WDR41: variants seen among roughly 807,000 people sequenced by gnomAD.
The protein encoded by WDR41 is WD repeat-containing protein 41.
In WDR41, 63 loss-of-function variants were observed where a neutral mutation model predicts 69.3. The observed-to-expected ratio is 0.91, with a 90% CI of 0.74 to 1.12. The LOEUF is 1.12. Among genes scored for constraint, WDR41 ranks in the 50% most tolerant of loss-of-function variants. The pLI is 0.00. For synonymous variants in WDR41, 185 were observed against 192.1 expected (o/e 0.96, Z 0.31); for missense variants, 543 against 534.5 (o/e 1.02, Z -0.16).
chr5:77,461,137 A>T (rs1369436741), intron 4 of WDR41, among the ~76,000 whole-genome samples: 1 of 152,144 alleles, frequency 6.6e-6, no homozygotes, highest in African/African-American at 2.4e-5. Context: ...GAGTATTTTA[A>T]ATTCTATTTT....
intron 1 of WDR41, chr5:77,545,730 G>T (rs1006129061): frequency 1.8e-6 from 1 of 560,788 alleles, no homozygotes; most frequent in Non-Finnish European, 3.1e-6. Flanking sequence ...ACGCTGGCCA[G>T]TGCACCAGGT....
At chr5:77,443,357 C>T (rs975253080) in intron 8 of WDR41, among the ~76,000 whole-genome samples, 6 of 152,096 alleles carry the variant, frequency 3.9e-5, no homozygotes, top group African/African-American at 1.4e-4. Flanking sequence ...TCAAATAAAC[C>T]AGCACGACAG....
At chr5:77,492,144 G>A in intron 1 of WDR41, 26 bp downstream of exon 1, 1 of 1,606,750 alleles carries the variant, frequency 6.2e-7, no homozygotes, top group Middle Eastern at 1.7e-4. Context: ...CTCGACGGAC[G>A]CAGAGCAGAC....
At chr5:77,553,108 C>T (rs193065797) in intron 1 of WDR41, among the ~76,000 whole-genome samples, 6 of 152,324 alleles carry the variant, frequency 3.9e-5, no homozygotes, top group Non-Finnish European at 8.8e-5. Context: ...AGGAAAACTA[C>T]ACACTCAGGA....
chr5:77,597,724 T>C (rs971158043), intron 1 of WDR41, among the ~76,000 whole-genome samples: 2 of 152,210 alleles, frequency 1.3e-5, no homozygotes, highest in Admixed American at 6.5e-5. Flanking sequence ...TAAACAAATA[T>C]CTATTGAATG....
intron 2 of WDR41, among the ~76,000 whole-genome samples, chr5:77,470,916 C>A (rs1193984346): frequency 6.6e-6 from 1 of 152,094 alleles, no homozygotes; most frequent in Non-Finnish European, 1.5e-5. Flanking sequence ...TAGCTCTGCA[C>A]CAAGCAGACC....
chr5:77,495,350 C>G (rs1327993603), upstream of WDR41, among the ~76,000 whole-genome samples: 2 of 150,898 alleles, frequency 1.3e-5, no homozygotes, highest in African/African-American at 4.9e-5. Context: ...TGGTCTTTTG[C>G]AAAGATGAAA....
chr5:77,566,349 C>T (rs1007111965), intron 1 of WDR41, among the ~76,000 whole-genome samples: 9 of 152,060 alleles, frequency 5.9e-5, no homozygotes, highest in Non-Finnish European at 1.2e-4. Context: ...TCCTGTATGT[C>T]GTTTAGGTCT....
intron 1 of WDR41, among the ~76,000 whole-genome samples, chr5:77,594,503 T>C (rs1199783402): frequency 1.3e-5 from 2 of 152,172 alleles, no homozygotes; most frequent in Non-Finnish European, 2.9e-5. Context: ...AAAATGTCTG[T>C]GATCCATGAT....
Position 77,440,954 on chromosome 5 carries a change from G to A in WDR41, c.741C>T (p.Ile247=). 6.2e-7 allele frequency: 1 copy of A among 1,614,100 alleles called. No individual in the cohort carries two copies. The highest frequency in any genetic ancestry group is 1.1e-5 in the South Asian group (1 of 91,060). Residue 247 remains isoleucine, a synonymous_variant, in exon 9 of 13, where the codon ATC becomes ATT. Transcript: ENST00000296679. ...VTGSHVGELI[I]WDALDWTMQA... is the part of the protein sequence containing the mutation. ...GCATGGTCCAGTCCAGGGCATCCCA[G>A]ATGATCAGCTCTCCGACGTGGGAGC... is the stretch of plus-strand genomic sequence containing the variant.
intron 1 of WDR41, among the ~76,000 whole-genome samples, chr5:77,502,851 G>C (rs374866333): frequency 6.6e-6 from 1 of 152,230 alleles, no homozygotes; most frequent in African/African-American, 2.4e-5. Flanking sequence ...TGCCTTACAA[G>C]AGCTCCTGAA....
intron 1 of WDR41, 87 bp downstream of exon 1, chr5:77,492,083 C>A (rs577118984): frequency 7.3e-6 from 11 of 1,514,324 alleles, no homozygotes; most frequent in Non-Finnish European, 9.9e-6. Flanking sequence ...CGGGTCCCCG[C>A]GGTCGGAACC....
At chr5:77,537,025 A>C (rs895921019) in intron 1 of WDR41, among the ~76,000 whole-genome samples, 3 of 152,234 alleles carry the variant, frequency 2.0e-5, no homozygotes, top group Non-Finnish European at 2.9e-5. Flanking sequence ...TTACATGCAG[A>C]GGTGCTATTC....
At chr5:77,518,051 G>C (rs767179743) in intron 1 of WDR41, among the ~76,000 whole-genome samples, 2 of 152,100 alleles carry the variant, frequency 1.3e-5, no homozygotes, top group African/African-American at 2.4e-5. Flanking sequence ...GTGTTGCATT[G>C]TAACCACTTC....
At chr5:77,445,763 T>C (rs1799356150) in intron 8 of WDR41, among the ~76,000 whole-genome samples, 2 of 152,156 alleles carry the variant, frequency 1.3e-5, no homozygotes, top group African/African-American at 4.8e-5. Context: ...TAGGTATTGA[T>C]AGAACATATC....
At chr5:77,502,865 A>G (rs1204024234) in intron 1 of WDR41, among the ~76,000 whole-genome samples, 1 of 152,222 alleles carries the variant, frequency 6.6e-6, no homozygotes, top group Admixed American at 6.5e-5. Context: ...TCCTGAAGGA[A>G]GCACTAAACA....
At chr5:77,512,171 C>T (rs72769099) in intron 1 of WDR41, among the ~76,000 whole-genome samples, 22,800 of 152,090 alleles carry the variant, frequency 0.15, 2,506 homozygotes, top group African/African-American at 0.28. Context: ...AGTGGAATCA[C>T]CTGGAGAACA....
intron 1 of WDR41, among the ~76,000 whole-genome samples, chr5:77,615,709 G>T (rs538836277): frequency 2.9e-5 from 3 of 102,120 alleles, no homozygotes; most frequent in South Asian, 6.2e-4. Context: ...AAAAAAAAAG[G>T]CCAGGTGTGA....
At chr5:77,590,298 G>T (rs2112306154) in intron 1 of WDR41, among the ~76,000 whole-genome samples, 1 of 152,238 alleles carries the variant, frequency 6.6e-6, no homozygotes. Context: ...GTCTGCAGTG[G>T]ATTAGCAGGC....
Sources: gnomAD v4.1 joint callset for allele counts (sites outside exome capture counted in the v4.1 genomes callset) on GRCh38, gnomAD v4.1.1 for gene constraint, MANE v1.5 for transcripts, NCBI Gene and HGNC (gene_info 2026-07-23, HGNC 2026-07-21) for gene names.